TMEM117: variants seen among roughly 807,000 people sequenced by gnomAD.
The protein encoded by TMEM117 is transmembrane protein 117.
TMEM117 carries 27 observed loss-of-function variants against 52.4 expected under a neutral mutation model. That is an observed-to-expected ratio of 0.51 (90% CI 0.38 to 0.71). The LOEUF is 0.71. Ranked by LOEUF, TMEM117 falls within the 30% of genes least tolerant of loss-of-function variation. The pLI is 0.00. For missense variants in TMEM117, 556 were observed against 630.5 expected, an observed-to-expected ratio of 0.88 and a Z score of 1.26; for synonymous variants, 215 against 206.3, an observed-to-expected ratio of 1.04 and a Z score of -0.36.
At chr12:44,065,815 G>A (rs1377138124) in intron 3 of TMEM117, among the ~76,000 whole-genome samples, 2 of 152,116 alleles carry the variant, frequency 1.3e-5, no homozygotes, top group Non-Finnish European at 2.9e-5. Context: ...TGGGGTAGAG[G>A]GCTACATTAA....
chr12:43,801,599 A>G, the TMEM117 span, among the ~76,000 whole-genome samples: 1 of 152,186 alleles, frequency 6.6e-6, no homozygotes, highest in Non-Finnish European at 1.5e-5. Flanking sequence ...CTTGAATGGT[A>G]GCGATTAATA....
At chr12:44,327,445 T>C (rs183064335) in intron 6 of TMEM117, among the ~76,000 whole-genome samples, 55 of 152,304 alleles carry the variant, frequency 3.6e-4, no homozygotes, top group African/African-American at 1.1e-3. Flanking sequence ...TATGATTCCA[T>C]TGAAAATTTG....
chr12:44,259,847 A>G (rs1295480307), intron 5 of TMEM117, among the ~76,000 whole-genome samples: 2 of 152,228 alleles, frequency 1.3e-5, no homozygotes. Flanking sequence ...CCTGGCCCAC[A>G]TTTAGCACTA....
At chr12:44,362,346 C>G (rs1197647915) in intron 6 of TMEM117, among the ~76,000 whole-genome samples, 1 of 152,078 alleles carries the variant, frequency 6.6e-6, no homozygotes, top group African/African-American at 2.4e-5. Flanking sequence ...GTAGCTTCTC[C>G]CAATCCTTAT....
intron 2 of TMEM117, among the ~76,000 whole-genome samples, chr12:43,888,897 T>A (rs1944049852): frequency 3.9e-5 from 6 of 152,010 alleles, no homozygotes; most frequent in Admixed American, 3.3e-4. Context: ...CTATTACAAT[T>A]TTTTTAAATC....
intron 7 of TMEM117, among the ~76,000 whole-genome samples, chr12:44,381,685 T>G (rs767739981): frequency 1.1e-4 from 17 of 152,320 alleles, no homozygotes; most frequent in Middle Eastern, 3.4e-3. Flanking sequence ...TCTGTTCTAT[T>G]TCAGTTTCCT....
chr12:43,892,616 T>C (rs1045202981), intron 2 of TMEM117, among the ~76,000 whole-genome samples: 4 of 152,220 alleles, frequency 2.6e-5, no homozygotes, highest in African/African-American at 9.6e-5. Context: ...TTCTGTACAC[T>C]CTTCCTAAAG....
intron 3 of TMEM117, among the ~76,000 whole-genome samples, chr12:44,078,532 G>C (rs1947419621): frequency 6.6e-6 from 1 of 152,148 alleles, no homozygotes; most frequent in Non-Finnish European, 1.5e-5. Context: ...GTGCACGATT[G>C]GATGAACCAC....
At chr12:44,372,096 C>T (rs1951872060) in intron 6 of TMEM117, among the ~76,000 whole-genome samples, 1 of 152,140 alleles carries the variant, frequency 6.6e-6, no homozygotes, top group South Asian at 2.1e-4. Flanking sequence ...TCTCACATCA[C>T]TGAACCACAA....
intron 6 of TMEM117, among the ~76,000 whole-genome samples, chr12:44,353,300 A>G (rs1309469781): frequency 1.3e-5 from 2 of 152,062 alleles, no homozygotes; most frequent in Admixed American, 6.6e-5. Flanking sequence ...CTTGAGTTTA[A>G]TTAGATCCCA....
At chr12:43,844,514 C>T (rs982384971) in intron 1 of TMEM117, 110 bp from the exon 2 acceptor site, 3 of 992,568 alleles carry the variant, frequency 3.0e-6, no homozygotes, top group African/African-American at 3.3e-5. Context: ...GAACAGGTAT[C>T]ATCTTTTCCA....
intron 2 of TMEM117, among the ~76,000 whole-genome samples, chr12:43,881,433 CATG>C (rs1470781060): frequency 6.6e-6 from 1 of 152,102 alleles, no homozygotes; most frequent in African/African-American, 2.4e-5. Context: ...TATGTGTTGA[CATG>C]ATAATATTTT....
At chr12:44,124,903 G>A (rs891854269) in intron 3 of TMEM117, among the ~76,000 whole-genome samples, 2 of 152,026 alleles carry the variant, frequency 1.3e-5, no homozygotes, top group African/African-American at 4.8e-5. Context: ...ATATCTTGAG[G>A]CCAGAATGAT....
At chr12:44,313,706 C>T (rs554877510) in intron 6 of TMEM117, among the ~76,000 whole-genome samples, 6 of 152,214 alleles carry the variant, frequency 3.9e-5, no homozygotes, top group Non-Finnish European at 5.9e-5. Context: ...GCAGTATGGA[C>T]GTTTTAATGA....
At chr12:44,352,066 T>G (rs1003905316) in intron 6 of TMEM117, among the ~76,000 whole-genome samples, 3 of 151,974 alleles carry the variant, frequency 2.0e-5, no homozygotes, top group Non-Finnish European at 4.4e-5. Context: ...TTTTCTTGCC[T>G]TTTTCTCTTT....
the TMEM117 span, chr12:43,806,207 C>T: frequency 6.5e-7 from 1 of 1,540,204 alleles, no homozygotes; most frequent in Non-Finnish European, 8.7e-7. Flanking sequence ...GCGAGTCGCG[C>T]CGGGCGCTGT....
intron 3 of TMEM117, among the ~76,000 whole-genome samples, chr12:44,064,560 A>G (rs1947192194): frequency 6.6e-6 from 1 of 152,144 alleles, no homozygotes; most frequent in Non-Finnish European, 1.5e-5. Flanking sequence ...CAAGACTTCT[A>G]TGAAATGTTT....
rs912409730 is a variant in TMEM117 at position 44,371,094 on chromosome 12, A to C, written c.769-5501A>C. ...AAATCAGGCACTCAGGTTTCTTAAT[A>C]AGAAACAAAAATATCACCCAAAGCC... On this transcript the variant is annotated intron_variant, in intron 6 of 7. Transcript: ENST00000266534. Among the ~76,000 whole-genome samples the C allele has an allele frequency of 4.6e-5, 7 of 152,164 alleles. No individual in the cohort carries two copies. The East Asian group carries it at 1.4e-3, about 29-fold the overall frequency.
At chr12:43,942,686 T>G (rs1043960967) in intron 2 of TMEM117, among the ~76,000 whole-genome samples, 5 of 152,082 alleles carry the variant, frequency 3.3e-5, no homozygotes, top group African/African-American at 1.2e-4. Context: ...AGTTTCCAAA[T>G]GAAATCTAAA....
Sources: allele counts gnomAD v4.1 joint callset (sites outside exome capture counted in the v4.1 genomes callset), GRCh38; gene constraint gnomAD v4.1.1; transcripts MANE v1.5; gene names NCBI Gene and HGNC (gene_info 2026-07-23, HGNC 2026-07-21).